The following CCT6B variants were observed in gnomAD, a reference collection of about 807,000 sequenced individuals.
The protein encoded by CCT6B is chaperonin containing TCP1 subunit 6B.
In CCT6B, 49 loss-of-function variants were observed where a neutral mutation model predicts 61.5. The observed-to-expected ratio is 0.80, with a 90% CI of 0.63 to 1.01. The LOEUF is 1.01. Among genes scored for constraint, CCT6B ranks in the 50% least tolerant of loss-of-function variants. The probability of loss-of-function intolerance (pLI) is 0.00; values close to 1 mark genes in which losing one functional copy is unlikely to be tolerated. For synonymous variants in CCT6B, 228 were observed against 214.5 expected, an observed-to-expected ratio of 1.06 and a Z score of -0.55; for missense variants, 666 against 634.7, an observed-to-expected ratio of 1.05 and a Z score of -0.53.
chr17:34,955,881 A>T (rs1310098154), intron 3 of CCT6B, among the ~76,000 whole-genome samples: 1 of 152,176 alleles, frequency 6.6e-6, no homozygotes, highest in African/African-American at 2.4e-5. Context: ...TTAGATCACC[A>T]AGATAATAAG....
intron 12 of CCT6B, among the ~76,000 whole-genome samples, chr17:34,930,544 G>A (rs1363897125): frequency 6.6e-6 from 1 of 151,766 alleles, no homozygotes; most frequent in Non-Finnish European, 1.5e-5. Flanking sequence ...TGCCTACCCT[G>A]ACCAACCCTT....
In CCT6B at chr17:34,952,981, G is replaced by A. The variant is rs2142174192; in HGVS notation, c.511-928C>T. On this transcript the variant is annotated intron_variant, in intron 4 of 13. Coordinates refer to ENST00000314144, the MANE Select transcript of CCT6B (RefSeq NM_006584.4). ...TACTCTAACAGCAGAAAACACAGCA[G>A]AGCCTTTCTTCTGACTCTGCTCATC... Among the ~76,000 whole-genome samples, 2 of 152,218 alleles carry A rather than the reference G, an allele frequency of 1.3e-5. 1 individual carries two copies. The highest frequency in any genetic ancestry group is 4.1e-4 in the South Asian group (2 of 4,820).
At chr17:34,961,190 C>T in intron 1 of CCT6B, 67 bp downstream of exon 1, 2 of 1,522,948 alleles carry the variant, frequency 1.3e-6, no homozygotes, top group Non-Finnish European at 1.8e-6. Context: ...CGGACGCCTG[C>T]CTCAGAGGGC....
intron 12 of CCT6B, among the ~76,000 whole-genome samples, chr17:34,929,869 A>G (rs551347849): frequency 6.6e-5 from 10 of 152,102 alleles, no homozygotes; most frequent in Non-Finnish European, 1.2e-4. Context: ...CCAGACCCAT[A>G]TATCCAACTT....
chr17:34,960,632 A>G (rs1482103), intron 1 of CCT6B, among the ~76,000 whole-genome samples: 76,638 of 152,084 alleles, frequency 0.5, 20,523 homozygotes, highest in East Asian at 0.82. Context: ...CTGTGTCCCA[A>G]CAACTGGTAC....
intron 5 of CCT6B, 45 bp downstream of exon 5, chr17:34,951,905 A>T (rs2090295693): frequency 1.5e-5 from 13 of 884,790 alleles, no homozygotes; most frequent in Non-Finnish European, 2.1e-5. Flanking sequence ...GAATATCTTT[A>T]AAAAATTCTA....
intron 5 of CCT6B, chr17:34,949,512 G>GAAGA (rs56346482): frequency 6.7e-6 from 1 of 148,262 alleles, no homozygotes; most frequent in Non-Finnish European, 1.5e-5. Flanking sequence ...AAGGAAGGAG[G>GAAGA]GAGGGAGGGA....
At chr17:34,960,521 A>C (rs1478811633) in intron 1 of CCT6B, among the ~76,000 whole-genome samples, 1 of 152,198 alleles carries the variant, frequency 6.6e-6, no homozygotes, top group Non-Finnish European at 1.5e-5. Flanking sequence ...CCCTTTCTTC[A>C]GCATAATTAT....
In CCT6B at chr17:34,961,436, C is replaced by A; in HGVS notation, c.-43G>T. On this transcript the variant is annotated 5_prime_UTR_variant, in exon 1 of 14. Coordinates refer to ENST00000314144, the MANE Select transcript of CCT6B (RefSeq NM_006584.4). ...GGAGAAAAAAAAAAAGCCTTAGTCG[C>A]GATTCTGAGCAAAAACGGCAATGCG... is the stretch of plus-strand genomic sequence containing the variant. 1 of 1,563,320 alleles carries A rather than the reference C, an allele frequency of 6.4e-7. No individual in the cohort carries two copies.
rs184529831 is a variant in CCT6B, at chr17:34,933,793, G to A, written c.1214-1293C>T. ...ATCACGAAACACCTATATTAGGAAC[G>A]AAGAAAGTTCTCAAACTAATGACCC... On this transcript the variant is annotated intron_variant, in intron 10 of 13. Transcript: ENST00000314144. Among the ~76,000 whole-genome samples the A allele has an allele frequency of 1.8e-3, 278 of 152,130 alleles. 2 individuals are homozygous for A. The highest frequency in any genetic ancestry group is 6.6e-3 in the African/African-American group (272 of 41,514).
At chr17:34,939,001 T>C (rs552516809) in intron 10 of CCT6B, among the ~76,000 whole-genome samples, 182 bp downstream of exon 10, 1 of 152,190 alleles carries the variant, frequency 6.6e-6, no homozygotes, top group Admixed American at 6.5e-5. Context: ...GAAGAATCAC[T>C]TGAACCTGGG....
At chr17:34,951,895 G>A in intron 5 of CCT6B, 55 bp downstream of exon 5, 1 of 780,124 alleles carries the variant, frequency 1.3e-6, no homozygotes, top group Non-Finnish European at 2.1e-6. Context: ...TTTAATAAAA[G>A]AATATCTTTA....
intron 5 of CCT6B, among the ~76,000 whole-genome samples, chr17:34,945,928 G>C (rs1217447347): frequency 6.6e-6 from 1 of 152,202 alleles, no homozygotes; most frequent in African/African-American, 2.4e-5. Flanking sequence ...AAAGTCATTT[G>C]ACAATCCAGG....
At position 34,961,415 on chromosome 17, in the gene CCT6B, A is replaced by G. The variant is rs769666626; in HGVS notation, c.-22T>C. 25 of 599,508 alleles carry G rather than the reference A, an allele frequency of 4.2e-5. No individual in the cohort carries two copies. In the Admixed American group the frequency reaches 4.6e-4, roughly 11 times the overall value. 37.1% of individuals were successfully genotyped at this position (599,508 alleles called of 1,614,324 possible). A position where few individuals can be genotyped will look rare whatever the true frequency, so the allele number is the denominator to read the frequency against. On this transcript the variant is annotated 5_prime_UTR_variant, in exon 1 of 14. Transcript: ENST00000314144. ...CCATAGCCTAACCGTTCAGAGGGAGAAAAAAAAAAAGCCTTAGTCGCGATT... is the reference window on the plus strand; with the variant it reads ...CCATAGCCTAACCGTTCAGAGGGAGGAAAAAAAAAAGCCTTAGTCGCGATT...
intron 12 of CCT6B, among the ~76,000 whole-genome samples, chr17:34,930,585 ACTAGCATT>A (rs2090024615): frequency 6.6e-6 from 1 of 152,124 alleles, no homozygotes. Context: ...ACCCTCCTGT[ACTAGCATT>A]CATGATCATT....
Position 34,931,004 on chromosome 17 carries a change from T to G in CCT6B, c.1395A>C (p.Lys465Asn). ...AGYDPQETLV[K>N]VQAEHVESKQ... ...TTGACTCGACATGCTCAGCCTGAAC[T>G]TTTACTAATGTTTCCTGTGGGTCAT... Residue 465 changes from lysine to asparagine, a missense_variant, in exon 12 of 14, where the codon AAA becomes AAC. Physicochemically the swap from Lys to Asn is moderately conservative, Grantham distance 94 (BLOSUM62 0). Transcript: ENST00000314144. 6.2e-7 allele frequency: 1 copy of G among 1,604,252 alleles called. No homozygotes were observed. The highest frequency in any genetic ancestry group is 1.1e-5 in the South Asian group (1 of 89,422).
rs1412291289 is a variant in CCT6B at position 34,959,671 on chromosome 17, T to C, written c.138-21A>G. On this transcript the variant is annotated intron_variant, in intron 1 of 13. Coordinates refer to ENST00000314144, the MANE Select transcript of CCT6B (RefSeq NM_006584.4). ...CAAGCCTGTTCAGAGAAGAATGATA[T>C]TAACTTCATGTGGTAGGAAGACATT... is the stretch of plus-strand genomic sequence containing the variant. The C allele has an allele frequency of 4.5e-6, 7 of 1,565,038 alleles. No homozygotes were observed. In the African/African-American group the frequency reaches 5.4e-5, roughly 12 times the overall value.
chr17:34,935,483 G>T (rs1161025657), intron 10 of CCT6B, among the ~76,000 whole-genome samples: 1 of 152,052 alleles, frequency 6.6e-6, no homozygotes, highest in East Asian at 1.9e-4. Flanking sequence ...AAAGTAAAAT[G>T]CATTATAACT....
Position 34,942,993 on chromosome 17 carries a change from A to G in CCT6B, c.615-87T>C, listed in dbSNP as rs569572732. Reference sequence around the variant, plus strand: ...TCATTGTACTATTAAAGTTACATCAATACTTCCAGGACACACATTGTTTCC... The same window carrying G: ...TCATTGTACTATTAAAGTTACATCAGTACTTCCAGGACACACATTGTTTCC... On this transcript the variant is annotated intron_variant, in intron 5 of 13. Transcript: ENST00000314144. 3.9e-4 allele frequency: 290 copies of G among 734,906 alleles called. 2 individuals carry two copies. Among genetic ancestry groups the G allele is most frequent in the Admixed American group, 7.8e-4 (27 of 34,538 alleles). The allele number at this position is 734,906 out of a possible 1,614,324, so 45.5% of individuals were successfully genotyped here.
Sources: gnomAD v4.1 joint callset for allele counts (sites outside exome capture counted in the v4.1 genomes callset) on GRCh38, gnomAD v4.1.1 for gene constraint, MANE v1.5 for transcripts, NCBI Gene and HGNC (gene_info 2026-07-23, HGNC 2026-07-21) for gene names.